The following ARHGAP15 variants were observed in gnomAD, a reference collection of about 807,000 sequenced individuals.
The protein encoded by ARHGAP15 is rho GTPase-activating protein 15.
Under a neutral mutation model 63.7 loss-of-function variants are expected in ARHGAP15, and 51 were observed. The observed-to-expected ratio is 0.80, with a 90% CI of 0.64 to 1.01. The LOEUF (loss-of-function observed/expected upper bound fraction) is 1.01, where lower values mean the gene tolerates loss of function less well. Ranked by LOEUF, ARHGAP15 falls within the 50% of genes least tolerant of loss-of-function variation. ARHGAP15 has a pLI of 0.00. For missense variants in ARHGAP15, 560 were observed against 564.6 expected, an observed-to-expected ratio of 0.99 and a Z score of 0.08; for synonymous variants, 191 against 193.8, an observed-to-expected ratio of 0.99 and a Z score of 0.12.
At chr2:143,196,288 G>A (rs1470090141) in intron 2 of ARHGAP15, among the ~76,000 whole-genome samples, 3 of 151,966 alleles carry the variant, frequency 2.0e-5, no homozygotes, top group African/African-American at 4.8e-5. Flanking sequence ...AATAATCCAA[G>A]TCAGAAGAAT....
At chr2:143,583,125 T>C (rs1385429107) in intron 11 of ARHGAP15, among the ~76,000 whole-genome samples, 1 of 152,170 alleles carries the variant, frequency 6.6e-6, no homozygotes. Context: ...ATAAGTGCCA[T>C]TGTTAAGAGA....
chr2:143,204,107 C>T (rs1374419703), intron 3 of ARHGAP15, among the ~76,000 whole-genome samples: 1 of 152,092 alleles, frequency 6.6e-6, no homozygotes, highest in Non-Finnish European at 1.5e-5. Flanking sequence ...ACCCAGTTTG[C>T]TCTGTCTTCA....
At chr2:143,620,007 C>G (rs1698592487) in intron 11 of ARHGAP15, among the ~76,000 whole-genome samples, 1 of 152,192 alleles carries the variant, frequency 6.6e-6, no homozygotes, top group Admixed American at 6.5e-5. Flanking sequence ...GATAAATCCT[C>G]TAAAACAACC....
chr2:143,362,355 C>T lies in ARHGAP15; in HGVS notation c.475-73246C>T, dbSNP rs534970128. On this transcript the variant is annotated intron_variant, in intron 6 of 13. Transcript: ENST00000295095. Reference sequence around the variant, plus strand: ...AGTATTTGGCACAGTTGTGCTCTGTCCTAAAATACCTTCTTCTCTGGGCTT... The same window carrying T: ...AGTATTTGGCACAGTTGTGCTCTGTTCTAAAATACCTTCTTCTCTGGGCTT... 4.6e-5 allele frequency among the ~76,000 whole-genome samples: 7 copies of T among 152,292 alleles called. No homozygotes were observed. The South Asian group carries it at 1.4e-3, about 32-fold the overall frequency.
chr2:143,599,967 A>G (rs1363210047), intron 11 of ARHGAP15, among the ~76,000 whole-genome samples: 1 of 152,168 alleles, frequency 6.6e-6, no homozygotes, highest in Non-Finnish European at 1.5e-5. Context: ...ATAACCATAA[A>G]AGTAATTTCT....
chr2:143,430,043 C>T (rs1261984740), intron 6 of ARHGAP15, among the ~76,000 whole-genome samples: 1 of 152,066 alleles, frequency 6.6e-6, no homozygotes, highest in Admixed American at 6.6e-5. Context: ...CCTCATACAA[C>T]TTTTGAAGAC....
chr2:143,133,492 G>C (rs1184785456), intron 1 of ARHGAP15, among the ~76,000 whole-genome samples: 2 of 152,192 alleles, frequency 1.3e-5, no homozygotes, highest in Non-Finnish European at 2.9e-5. Flanking sequence ...TTATCTCACT[G>C]TGAAGTGACA....
chr2:143,305,856 G>A (rs1008436868), intron 6 of ARHGAP15, among the ~76,000 whole-genome samples: 2 of 151,866 alleles, frequency 1.3e-5, no homozygotes, highest in African/African-American at 4.8e-5. Flanking sequence ...CAAATTAAGG[G>A]TAATTTAAAA....
intron 6 of ARHGAP15, among the ~76,000 whole-genome samples, chr2:143,336,494 A>C (rs114738703): frequency 0.015 from 2,335 of 152,300 alleles, 30 homozygotes; most frequent in South Asian, 0.03. Flanking sequence ...CAAAATAATT[A>C]TTAGATGGTT....
At chr2:143,734,275 C>A (rs530879041) in intron 13 of ARHGAP15, among the ~76,000 whole-genome samples, 9 of 152,324 alleles carry the variant, frequency 5.9e-5, no homozygotes, top group African/African-American at 1.9e-4. Flanking sequence ...CAGCCACACT[C>A]CTGACCCTCA....
intron 6 of ARHGAP15, among the ~76,000 whole-genome samples, chr2:143,250,933 C>T (rs1342737358): frequency 3.3e-5 from 5 of 151,956 alleles, no homozygotes; most frequent in Non-Finnish European, 7.4e-5. Context: ...TTTTCAGATG[C>T]ACACAAACTA....
rs181994938 is a variant in ARHGAP15, at chr2:143,294,481, C to T, written c.474+43881C>T. On this transcript the variant is annotated intron_variant, in intron 6 of 13. Transcript: ENST00000295095. ...ATGGACATTGTTGATTGGCAGGCTG[C>T]TTTCCTGCAGCCATTAAACCAGGAA... Among the ~76,000 whole-genome samples, 471 of 152,180 alleles carry T rather than the reference C, an allele frequency of 3.1e-3. 5 individuals carry two copies. Among genetic ancestry groups the T allele is most frequent in the African/African-American group, 0.011 (449 of 41,558 alleles).
chr2:143,249,057 A>G (rs1224372917), intron 5 of ARHGAP15, among the ~76,000 whole-genome samples: 1 of 152,200 alleles, frequency 6.6e-6, no homozygotes, highest in African/African-American at 2.4e-5. Context: ...GACTATCATT[A>G]TCATGCTTTG....
At chr2:143,726,121 T>C (rs1685264230) in intron 13 of ARHGAP15, among the ~76,000 whole-genome samples, 1 of 152,226 alleles carries the variant, frequency 6.6e-6, no homozygotes, top group South Asian at 2.1e-4. Context: ...CATTTCGCAT[T>C]GTGGTCAAGT....
At chr2:143,323,643 TC>T (rs1436513723) in intron 6 of ARHGAP15, among the ~76,000 whole-genome samples, 1 of 152,058 alleles carries the variant, frequency 6.6e-6, no homozygotes, top group East Asian at 1.9e-4. Context: ...ACGCCTGTAA[TC>T]CCAGCACTGT....
At chr2:143,732,910 G>GTTTTT (rs35876339) in intron 13 of ARHGAP15, among the ~76,000 whole-genome samples, 8 of 122,004 alleles carry the variant, frequency 6.6e-5, no homozygotes, top group African/African-American at 1.5e-4. Flanking sequence ...TTGTTTTTGG[G>GTTTTT]TTTTTTTTTT....
At chr2:143,153,526 T>C (rs1162867048) in intron 1 of ARHGAP15, among the ~76,000 whole-genome samples, 1 of 151,948 alleles carries the variant, frequency 6.6e-6, no homozygotes, top group East Asian at 1.9e-4. Context: ...AACATCTTCG[T>C]GATTTATTAC....
intron 13 of ARHGAP15, among the ~76,000 whole-genome samples, chr2:143,744,592 G>A (rs1296266192): frequency 6.6e-6 from 1 of 152,320 alleles, no homozygotes; most frequent in South Asian, 2.1e-4. Flanking sequence ...CGCCGCACAA[G>A]AGTGCGAATG....
chr2:143,300,070 T>C (rs1335881259), intron 6 of ARHGAP15, among the ~76,000 whole-genome samples: 2 of 152,006 alleles, frequency 1.3e-5, no homozygotes, highest in Non-Finnish European at 2.9e-5. Flanking sequence ...TCTGGGATTA[T>C]AAAAGGAAAA....
Sources: allele counts gnomAD v4.1 joint callset (sites outside exome capture counted in the v4.1 genomes callset), GRCh38; gene constraint gnomAD v4.1.1; transcripts MANE v1.5; gene names NCBI Gene and HGNC (gene_info 2026-07-23, HGNC 2026-07-21).